Variants in CDH4 observed in about 807,000 individuals in gnomAD.
CDH4 encodes the protein cadherin-4.
In CDH4, 33 loss-of-function variants were observed where a neutral mutation model predicts 86.0. The ratio of observed to expected loss-of-function variants is 0.38; its 90% CI spans 0.29 to 0.51. CDH4 has a LOEUF of 0.51. Among genes scored for constraint, CDH4 ranks in the 20% least tolerant of loss-of-function variants. The pLI is 0.86. For synonymous variants in CDH4, 555 were observed against 549.4 expected (o/e 1.01, Z -0.14); for missense variants, 1,114 against 1,307.4 (o/e 0.85, Z 2.28).
chr20:61,777,445 A>G (rs55694739), intron 4 of CDH4, among the ~76,000 whole-genome samples: 83,064 of 152,164 alleles, frequency 0.55, 22,832 homozygotes, highest in East Asian at 0.71. Flanking sequence ...GCTTCCATCC[A>G]AAGGAAGGCG....
intron 4 of CDH4, among the ~76,000 whole-genome samples, chr20:61,841,851 C>A (rs1315450045): frequency 6.6e-6 from 1 of 152,148 alleles, no homozygotes; most frequent in Non-Finnish European, 1.5e-5. Flanking sequence ...TTGGCACTGA[C>A]CCCCATGGCG....
chr20:61,806,472 T>A (rs1980134475), intron 4 of CDH4, among the ~76,000 whole-genome samples: 1 of 152,184 alleles, frequency 6.6e-6, no homozygotes, highest in African/African-American at 2.4e-5. Context: ...GGAGGTGCCC[T>A]GTTAAAAGGG....
chr20:61,866,656 A>G lies in CDH4; in HGVS notation c.878-7072A>G, dbSNP rs531669506. Among the ~76,000 whole-genome samples, 5 of 152,356 alleles carry G rather than the reference A, an allele frequency of 3.3e-5. 1 individual carries two copies. The South Asian group carries it at 1.0e-3, about 32-fold the overall frequency. On this transcript the variant is annotated intron_variant, in intron 6 of 15. Coordinates refer to ENST00000614565, the MANE Select transcript of CDH4 (RefSeq NM_001794.5). ...CCCTTTGGCAAGAGGGCTACACCCC[A>G]GCGTTCCAGCAGGTGTGTTGGGTGT... is the stretch of plus-strand genomic sequence containing the variant.
At chr20:61,758,983 A>ATGGGTGTGCGCGTGGGTGTGCACC (rs2088599721) in intron 3 of CDH4, among the ~76,000 whole-genome samples, 1 of 152,176 alleles carries the variant, frequency 6.6e-6, no homozygotes, top group African/African-American at 2.4e-5. Flanking sequence ...GGGTGTGCAC[A>ATGGGTGTGCGCGTGGGTGTGCACC]TGGGTGTGCA....
At chr20:61,667,285 G>A (rs770259916) in intron 2 of CDH4, among the ~76,000 whole-genome samples, 1 of 152,200 alleles carries the variant, frequency 6.6e-6, no homozygotes, top group South Asian at 2.1e-4. Flanking sequence ...TGCTCACGGA[G>A]CCCTCGATGC....
At chr20:61,496,786 G>T (rs1600712563) in intron 2 of CDH4, among the ~76,000 whole-genome samples, 2 of 152,296 alleles carry the variant, frequency 1.3e-5, no homozygotes, top group African/African-American at 2.4e-5. Flanking sequence ...CTATGGTTTT[G>T]CCTGTGCTGT....
At chr20:61,916,235 G>A (rs891775463) in intron 9 of CDH4, among the ~76,000 whole-genome samples, 1 of 152,164 alleles carries the variant, frequency 6.6e-6, no homozygotes, top group African/African-American at 2.4e-5. Flanking sequence ...GAAGGCCAGT[G>A]CAGGGACCCC....
chr20:61,614,384 G>A (rs535614522), intron 2 of CDH4, among the ~76,000 whole-genome samples: 19 of 152,254 alleles, frequency 1.2e-4, no homozygotes, highest in Middle Eastern at 3.4e-3. Context: ...AAGCTCCTGC[G>A]CCTCCCACAC....
intron 2 of CDH4, among the ~76,000 whole-genome samples, chr20:61,285,872 G>T (rs1294446198): frequency 1.3e-5 from 2 of 152,248 alleles, no homozygotes; most frequent in African/African-American, 4.8e-5. Context: ...TGGCCAGGGG[G>T]CTGGGGATGG....
At chr20:61,910,710 C>A in intron 9 of CDH4, 103 bp downstream of exon 9, 1 of 1,085,874 alleles carries the variant, frequency 9.2e-7, no homozygotes, top group Non-Finnish European at 1.3e-6. Flanking sequence ...AAGTTACTGC[C>A]CCCCTAATAT....
chr20:61,722,513 A>AG (rs968765758), intron 2 of CDH4, among the ~76,000 whole-genome samples: 2 of 152,134 alleles, frequency 1.3e-5, no homozygotes, highest in African/African-American at 4.8e-5. Flanking sequence ...TCCCCCCAGG[A>AG]GGGGCCTTAC....
At position 61,480,010 on chromosome 20, in the gene CDH4, A is replaced by G. The variant is rs2085560186; in HGVS notation, c.169+225073A>G. 6.6e-6 allele frequency among the ~76,000 whole-genome samples: 1 copy of G among 152,054 alleles called. No individual in the cohort carries two copies. The highest frequency in any genetic ancestry group is 1.5e-5 in the Non-Finnish European group (1 of 68,008). On this transcript the variant is annotated intron_variant, in intron 2 of 15. Transcript: ENST00000614565. This position sits in a 1 kb window ranked among gnomAD's most constrained non-coding sequence, Gnocchi z 5.2. ...GTGTATTTTTCATTTCAGACCTTATAGTTTTCATCTATAGAAGTCTGATTC... is the reference window on the plus strand; with the variant it reads ...GTGTATTTTTCATTTCAGACCTTATGGTTTTCATCTATAGAAGTCTGATTC...
intron 2 of CDH4, among the ~76,000 whole-genome samples, chr20:61,632,195 G>A (rs1482684746): frequency 6.6e-6 from 1 of 152,246 alleles, no homozygotes; most frequent in Non-Finnish European, 1.5e-5. Flanking sequence ...GGGGCGGAGA[G>A]TGAAGCGCAG....
Position 61,457,469 on chromosome 20 carries a change from C to G in CDH4, c.169+202532C>G, listed in dbSNP as rs73318376. 6.3e-3 allele frequency among the ~76,000 whole-genome samples: 960 copies of G among 152,264 alleles called. 13 individuals are homozygous for G. The highest frequency in any genetic ancestry group is 0.02 in the African/African-American group (840 of 41,542). ...GTGACTGTGATGTGAGTGACAGTGG[C>G]AGGGATGATGACAATGGTGGTGATA... On this transcript the variant is annotated intron_variant, in intron 2 of 15. Transcript: ENST00000614565.
chr20:61,499,628 C>A, intron 2 of CDH4: 1 of 761,812 alleles, frequency 1.3e-6, no homozygotes, highest in Non-Finnish European at 1.9e-6. Flanking sequence ...AGACCTCAGC[C>A]TGCAGACACA....
chr20:61,624,003 G>C (rs938713758), intron 2 of CDH4, among the ~76,000 whole-genome samples: 38 of 152,300 alleles, frequency 2.5e-4, no homozygotes, highest in African/African-American at 8.9e-4. Context: ...TCCACCATCA[G>C]ATGCTGGTGT....
chr20:61,921,128 TTGTG>T (rs561014590), intron 9 of CDH4, among the ~76,000 whole-genome samples: 100 of 150,756 alleles, frequency 6.6e-4, no homozygotes, highest in Admixed American at 5.5e-3. Context: ...GTCACGGTGA[TTGTG>T]TGGAAGCGTG....
At chr20:61,752,979 G>A (rs937101170) in intron 3 of CDH4, among the ~76,000 whole-genome samples, 3 of 152,182 alleles carry the variant, frequency 2.0e-5, no homozygotes, top group Admixed American at 1.3e-4. Context: ...TGTTCTGTAC[G>A]CTGTTGTACT....
At chr20:61,536,278 A>G (rs6142792) in intron 2 of CDH4, among the ~76,000 whole-genome samples, 33,169 of 152,174 alleles carry the variant, frequency 0.22, 4,712 homozygotes, top group East Asian at 0.45. Flanking sequence ...GAAGTCCCTA[A>G]GCACTTGGGA....
Sources: allele counts gnomAD v4.1 joint callset (sites outside exome capture counted in the v4.1 genomes callset), GRCh38; gene constraint gnomAD v4.1.1; non-coding constraint Gnocchi (gnomAD v3.1); transcripts MANE v1.5; gene names NCBI Gene and HGNC (gene_info 2026-07-23, HGNC 2026-07-21).